Variants in PMPCB observed in about 807,000 individuals in gnomAD.
PMPCB encodes mitochondrial-processing peptidase subunit beta.
Under a neutral mutation model 61.5 loss-of-function variants are expected in PMPCB, and 46 were observed. The ratio of observed to expected loss-of-function variants is 0.75; its 90% CI spans 0.59 to 0.96. The LOEUF (loss-of-function observed/expected upper bound fraction) is 0.96. Among genes scored for constraint, PMPCB ranks in the 40% least tolerant of loss-of-function variants. The probability of loss-of-function intolerance (pLI) is 0.00; values close to 1 mark genes in which losing one functional copy is unlikely to be tolerated. For missense variants in PMPCB, 590 were observed against 602.4 expected (o/e 0.98, Z 0.22); for synonymous variants, 191 against 201.6 (o/e 0.95, Z 0.44).
rs778814775 is a variant in PMPCB, at chr7:103,328,903, T to C, written c.*1432-28T>C. Reference sequence around the variant, plus strand: ...TGAATAATTTTAAATGTAAGTGTTTTTCCTTATTTAGGATTCTTTCTTCTT... The same window carrying C: ...TGAATAATTTTAAATGTAAGTGTTTCTCCTTATTTAGGATTCTTTCTTCTT... On this transcript the variant is annotated intron_variant and NMD_transcript_variant, in intron 12 of 12. Coordinates refer to the PMPCB transcript ENST00000444457. 8 of 752,904 alleles carry C rather than the reference T, an allele frequency of 1.1e-5. No homozygotes were observed. In the South Asian group the frequency reaches 1.3e-4, roughly 12 times the overall value. 46.6% of individuals were successfully genotyped at this position (752,904 alleles called of 1,614,324 possible).
At chr7:103,339,562 T>G in the PMPCB span, among the ~76,000 whole-genome samples, 21 of 152,192 alleles carry the variant, frequency 1.4e-4, no homozygotes, top group African/African-American at 5.1e-4. Flanking sequence ...TCAAACTGCT[T>G]TCAATGAGGA....
At chr7:103,315,168 CA>C (rs769048270), downstream of PMPCB, among the ~76,000 whole-genome samples, 6 of 87,266 alleles carry the variant, frequency 6.9e-5, no homozygotes, top group Admixed American at 1.2e-4. Context: ...CAAACCCTAA[CA>C]TTTTTTTTTT....
At chr7:103,303,317 A>G (rs541541633) in intron 4 of PMPCB, among the ~76,000 whole-genome samples, 26 of 152,292 alleles carry the variant, frequency 1.7e-4, no homozygotes, top group African/African-American at 6.0e-4. Context: ...GGATTTTGGC[A>G]TGTTCCCCAG....
intron 7 of PMPCB, among the ~76,000 whole-genome samples, chr7:103,308,626 A>C (rs1461336742): frequency 2.6e-5 from 4 of 152,132 alleles, no homozygotes; most frequent in Non-Finnish European, 5.9e-5. Flanking sequence ...CTCAAAAAAA[A>C]AGAAAGAAAA....
the PMPCB span, chr7:103,344,804 C>A: frequency 1.6e-6 from 1 of 637,110 alleles, no homozygotes; most frequent in Non-Finnish European, 2.8e-6. Flanking sequence ...GGTGTGGAGG[C>A]CAGTCTCACA....
At chr7:103,327,669 A>G (rs923154034) in intron 12 of PMPCB, 74 of 1,603,878 alleles carry the variant, frequency 4.6e-5, no homozygotes, top group Non-Finnish European at 6.3e-5. Context: ...TAGTTATGCA[A>G]GTGAAGTAGT....
At position 103,304,421 on chromosome 7, in the gene PMPCB, C is replaced by A. The variant is rs563490637; in HGVS notation, c.667C>A (p.Arg223Ser). The change falls in exon 6 of 13, where the codon CGT becomes AGT. Residue 223 changes from arginine (R) to serine (S), a missense_variant. Arg to Ser is a moderately radical substitution (Grantham distance 110, BLOSUM62 -1). Coordinates refer to ENST00000249269, the MANE Select transcript of PMPCB (RefSeq NM_004279.3). ...GPTENIKSIS[R>S]KDLVDYITTH... Reference sequence around the variant, plus strand: ...TTACTTCATTTACAGATCTATAAGTCGTAAGGACTTAGTGGATTATATAAC... The same window carrying A: ...TTACTTCATTTACAGATCTATAAGTAGTAAGGACTTAGTGGATTATATAAC... 2 of 1,582,288 alleles carry A rather than the reference C, an allele frequency of 1.3e-6. No individual in the cohort carries two copies. Among genetic ancestry groups the A allele is most frequent in the Non-Finnish European group, 8.7e-7 (1 of 1,151,794 alleles).
downstream of PMPCB, chr7:103,317,081 G>C: frequency 7.1e-7 from 1 of 1,404,656 alleles, no homozygotes; most frequent in Non-Finnish European, 9.8e-7. Context: ...TCTCTTCCTG[G>C]CTAGGGCTTT....
chr7:103,298,547 C>T (rs1817356840), intron 1 of PMPCB, 21 bp from the exon 2 acceptor site: 2 of 1,611,398 alleles, frequency 1.2e-6, no homozygotes, highest in South Asian at 1.1e-5. Flanking sequence ...TTTGTCTCTT[C>T]CACTTCCTAC....
chr7:103,338,249 G>A, the PMPCB span, among the ~76,000 whole-genome samples: 21 of 149,984 alleles, frequency 1.4e-4, no homozygotes, highest in East Asian at 9.8e-4. Context: ...CAGGATAGGC[G>A]ACAGAGCAAG....
chr7:103,338,839 G>A, the PMPCB span, among the ~76,000 whole-genome samples: 2 of 152,006 alleles, frequency 1.3e-5, no homozygotes, highest in African/African-American at 4.8e-5. Flanking sequence ...GAACCTGGGA[G>A]GCGGAGGTTG....
At chr7:103,338,779 G>A in the PMPCB span, among the ~76,000 whole-genome samples, 570 of 151,774 alleles carry the variant, frequency 3.8e-3, 4 homozygotes, top group African/African-American at 0.014. Flanking sequence ...GCGTGGTGGC[G>A]CCCACCTGTA....
chr7:103,333,750 G>A (rs568045854), downstream of PMPCB, among the ~76,000 whole-genome samples: 1 of 152,178 alleles, frequency 6.6e-6, no homozygotes, highest in Non-Finnish European at 1.5e-5. Context: ...GTAACTTACA[G>A]TATGCCTATG....
chr7:103,310,257 T>C, intron 8 of PMPCB, 58 bp from the exon 9 acceptor site: 1 of 1,332,430 alleles, frequency 7.5e-7, no homozygotes, highest in Non-Finnish European at 1.1e-6. Context: ...TCCATTTTTC[T>C]TTCTGTATTT....
the PMPCB span, among the ~76,000 whole-genome samples, chr7:103,339,309 G>A: frequency 1.3e-5 from 2 of 152,166 alleles, no homozygotes; most frequent in Non-Finnish European, 2.9e-5. Flanking sequence ...ACAAGTGAAT[G>A]AACTCTGCTA....
intron 12 of PMPCB, among the ~76,000 whole-genome samples, chr7:103,325,101 C>G (rs1818630513): frequency 6.6e-6 from 1 of 152,182 alleles, no homozygotes. Context: ...TCTGTGAAAT[C>G]ATTACACAGA....
At chr7:103,307,768 A>C in intron 7 of PMPCB, 60 bp downstream of exon 7, 1 of 888,972 alleles carries the variant, frequency 1.1e-6, no homozygotes, top group East Asian at 2.4e-5. Flanking sequence ...GTATTTACAC[A>C]TAAGTAAACA....
intron 12 of PMPCB, chr7:103,322,849 A>T: frequency 7.7e-7 from 1 of 1,307,088 alleles, no homozygotes; most frequent in Non-Finnish European, 1.1e-6. Flanking sequence ...CTATGACTGG[A>T]AAATGCAATA....
chr7:103,345,196 T>C, the PMPCB span: 1 of 157,582 alleles, frequency 6.3e-6, no homozygotes, highest in Admixed American at 6.5e-5. Context: ...AGCTAATATT[T>C]GTCGTGCTAT....
Sources: gnomAD v4.1 joint callset for allele counts (sites outside exome capture counted in the v4.1 genomes callset) on GRCh38, gnomAD v4.1.1 for gene constraint, MANE v1.5 for transcripts, NCBI Gene and HGNC (gene_info 2026-07-23, HGNC 2026-07-21) for gene names.